RGS20: variants seen among roughly 807,000 people sequenced by gnomAD.
RGS20 encodes regulator of G protein signaling 20.
Under a neutral mutation model 33.6 loss-of-function variants are expected in RGS20, and 30 were observed. The ratio of observed to expected loss-of-function variants is 0.89; its 90% CI spans 0.67 to 1.21. The LOEUF is 1.21. Among genes scored for constraint, RGS20 ranks in the 50% most tolerant of loss-of-function variants. RGS20 has a pLI of 0.00. For missense variants in RGS20, 472 were observed against 502.4 expected (o/e 0.94, Z 0.58); for synonymous variants, 208 against 197.9 (o/e 1.05, Z -0.43).
At chr8:53,941,988 G>A (rs1180334549) in intron 3 of RGS20, among the ~76,000 whole-genome samples, 2 of 152,070 alleles carry the variant, frequency 1.3e-5, no homozygotes, top group Non-Finnish European at 2.9e-5. Flanking sequence ...TTAAAAAAAA[G>A]ATCAGCTGGG....
intron 2 of RGS20, among the ~76,000 whole-genome samples, chr8:53,934,406 G>A (rs181077130): frequency 6.6e-6 from 1 of 152,302 alleles, no homozygotes; most frequent in East Asian, 1.9e-4. Flanking sequence ...TAAAGGCATG[G>A]AGGAATATTT....
chr8:53,879,810 C>G (rs1373072221), intron 2 of RGS20: 1 of 464,966 alleles, frequency 2.2e-6, no homozygotes, highest in Admixed American at 4.0e-5. Flanking sequence ...CGGGAAGACA[C>G]TCCAAGCTAC....
In RGS20 at chr8:53,894,662, T is replaced by G. The variant is rs564763903; in HGVS notation, c.510+15060T>G. The stretch of plus-strand genomic sequence containing the variant: ...TTCTGTGGGGTGACAGATGCATCCA[T>G]GCCTTGAACCACATGATCTAGATTC... On this transcript the variant is annotated intron_variant, in intron 2 of 5. Coordinates refer to ENST00000297313, the MANE Select transcript of RGS20 (RefSeq NM_170587.4). Among the ~76,000 whole-genome samples, 4 of 152,318 alleles carry G rather than the reference T, an allele frequency of 2.6e-5. No homozygotes were observed. In the East Asian group the frequency reaches 7.7e-4, roughly 29 times the overall value.
chr8:53,879,536 GC>G lies in RGS20; in HGVS notation c.451del (p.His151IlefsTer3), dbSNP rs35570213. ...GACCCTCGGGGGGTCGTCCGCTGAG[GC>G]CCCCCCATCCGGTAGCCAAGCCCAG... On this transcript the variant is annotated frameshift_variant, in exon 2 of 6. Transcript: ENST00000297313. LOFTEE classifies it high-confidence loss of function. 9.1e-6 allele frequency: 14 copies of G among 1,541,722 alleles called. No homozygotes were observed. The East Asian group carries it at 1.2e-4, about 14-fold the overall frequency.
intron 2 of RGS20, among the ~76,000 whole-genome samples, chr8:53,902,169 C>A (rs968316700): frequency 1.3e-5 from 2 of 152,150 alleles, no homozygotes; most frequent in Non-Finnish European, 1.5e-5. Flanking sequence ...GCGCATGTCA[C>A]CACATCCAGC....
intron 2 of RGS20, chr8:53,880,989 A>G: frequency 1.9e-6 from 3 of 1,593,432 alleles, no homozygotes; most frequent in East Asian, 2.3e-5. Flanking sequence ...TCCGCGCTGC[A>G]ATATTGAGAA....
chr8:53,940,827 G>A (rs1314876788), intron 3 of RGS20, among the ~76,000 whole-genome samples: 1 of 152,246 alleles, frequency 6.6e-6, no homozygotes, highest in East Asian at 1.9e-4. Flanking sequence ...AGCTCTGCAG[G>A]AAGCCAGAGG....
chr8:53,919,957 C>T (rs1349783915), intron 2 of RGS20, among the ~76,000 whole-genome samples: 1 of 152,156 alleles, frequency 6.6e-6, no homozygotes, highest in Non-Finnish European at 1.5e-5. Context: ...CTCACTGCAG[C>T]CTCAACTTCT....
chr8:53,942,350 C>A (rs1040313297), intron 3 of RGS20, among the ~76,000 whole-genome samples: 1 of 151,880 alleles, frequency 6.6e-6, no homozygotes, highest in African/African-American at 2.4e-5. Context: ...CCCAGCTACT[C>A]AGGAGGCTGA....
chr8:53,868,523 G>A lies in RGS20; in HGVS notation c.166-10735G>A, dbSNP rs7001232. ...AGGAGGGAGTAGTTATTGATATAACGTTTATAGGAACATTTTATAAATGTG... is the reference window on the plus strand; with the variant it reads ...AGGAGGGAGTAGTTATTGATATAACATTTATAGGAACATTTTATAAATGTG... On this transcript the variant is annotated intron_variant, in intron 1 of 5. Coordinates refer to ENST00000297313, the MANE Select transcript of RGS20 (RefSeq NM_170587.4). 2.3e-3 allele frequency among the ~76,000 whole-genome samples: 350 copies of A among 152,130 alleles called. 3 individuals carry two copies. The highest frequency in any genetic ancestry group is 7.9e-3 in the African/African-American group (327 of 41,472).
chr8:53,912,949 T>G (rs1031836791), intron 2 of RGS20, among the ~76,000 whole-genome samples: 20 of 152,118 alleles, frequency 1.3e-4, no homozygotes, highest in Admixed American at 1.2e-3. Flanking sequence ...ATATTTTATG[T>G]GTTTCAATGC....
rs530997670 is a variant in RGS20 at position 53,936,310 on chromosome 8, T to C, written c.511-3266T>C. Among the ~76,000 whole-genome samples, 4 of 152,266 alleles carry C rather than the reference T, an allele frequency of 2.6e-5. No homozygotes were observed. In the South Asian group the frequency reaches 8.3e-4, roughly 32 times the overall value. On this transcript the variant is annotated intron_variant, in intron 2 of 5. Transcript: ENST00000297313. ...AATAGGAAGAGAGAGAGTCAAATTATCTCTGTTTGCAGATGACATGATTGT... is the reference window on the plus strand; with the variant it reads ...AATAGGAAGAGAGAGAGTCAAATTACCTCTGTTTGCAGATGACATGATTGT...
chr8:53,896,059 T>A (rs1812847241), intron 2 of RGS20, among the ~76,000 whole-genome samples: 1 of 151,996 alleles, frequency 6.6e-6, no homozygotes, highest in African/African-American at 2.4e-5. Flanking sequence ...AGCGAGAGAA[T>A]CTCTTGAGGT....
chr8:53,852,087 T>C (rs1450659656), intron 1 of RGS20: 16 of 1,584,734 alleles, frequency 1.0e-5, no homozygotes, highest in African/African-American at 1.3e-5. Flanking sequence ...CCACAATCCA[T>C]GATCCTTTCC....
chr8:53,882,624 A>G (rs1812424649), intron 2 of RGS20, among the ~76,000 whole-genome samples: 1 of 149,736 alleles, frequency 6.7e-6, no homozygotes, highest in Non-Finnish European at 1.5e-5. Context: ...GGCCTGGGCG[A>G]CAGAGCAAGA....
chr8:53,950,363 G>A (rs773019541), intron 4 of RGS20, among the ~76,000 whole-genome samples: 5 of 152,058 alleles, frequency 3.3e-5, no homozygotes, highest in Non-Finnish European at 5.9e-5. Context: ...AAAATGCTTG[G>A]AACTAGAAAT....
At chr8:53,917,671 A>C (rs906248564) in intron 2 of RGS20, among the ~76,000 whole-genome samples, 1 of 152,174 alleles carries the variant, frequency 6.6e-6, no homozygotes, top group Non-Finnish European at 1.5e-5. Context: ...TGGGAAGCCA[A>C]GGTAGGAGGA....
chr8:53,953,942 T>C lies in RGS20; in HGVS notation c.744-134T>C, dbSNP rs1397264326. ...GGTTTGAGGAAATGCGAACAGTTCT[T>C]TCCCTTCCTAAAAGGGCCTAAATGC... On this transcript the variant is annotated intron_variant, in intron 4 of 5. Transcript: ENST00000297313. 5.6e-6 allele frequency: 4 copies of C among 719,920 alleles called. No homozygotes were observed. In the East Asian group the frequency reaches 1.0e-4, roughly 19 times the overall value. 44.6% of individuals were successfully genotyped at this position (719,920 alleles called of 1,614,324 possible).
chr8:53,928,984 G>A (rs147082672), intron 2 of RGS20, among the ~76,000 whole-genome samples: 1 of 152,302 alleles, frequency 6.6e-6, no homozygotes, highest in East Asian at 1.9e-4. Context: ...AACAAGGAAT[G>A]ACTTATTGAT....
Sources: allele counts gnomAD v4.1 joint callset (sites outside exome capture counted in the v4.1 genomes callset), GRCh38; gene constraint gnomAD v4.1.1; transcripts MANE v1.5; gene names NCBI Gene and HGNC (gene_info 2026-07-23, HGNC 2026-07-21).